The following TBX15 variants were observed in gnomAD, a reference collection of about 807,000 sequenced individuals.
The protein encoded by TBX15 is T-box transcription factor TBX15.
In TBX15, 18 loss-of-function variants were observed where a neutral mutation model predicts 53.9. The observed-to-expected ratio is 0.33, with a 90% confidence interval of 0.23 to 0.49. The LOEUF (loss-of-function observed/expected upper bound fraction) is 0.49. Ranked by LOEUF, TBX15 falls within the 20% of genes least tolerant of loss-of-function variation. The probability of loss-of-function intolerance (pLI) is 0.98; values close to 1 mark genes in which losing one functional copy is unlikely to be tolerated. For missense variants in TBX15, 692 were observed against 749.5 expected, an observed-to-expected ratio of 0.92 and a Z score of 0.90; for synonymous variants, 295 against 278.0, an observed-to-expected ratio of 1.06 and a Z score of -0.61.
At chr1:118,958,381 G>C (rs74668342) in intron 1 of TBX15, among the ~76,000 whole-genome samples, 1,921 of 152,246 alleles carry the variant, frequency 0.013, 20 homozygotes, top group Middle Eastern at 0.058. Context: ...TGTTGTTTAA[G>C]GCTCCCAGTC....
chr1:118,951,094 G>C (rs188139868), intron 1 of TBX15, among the ~76,000 whole-genome samples: 3 of 152,202 alleles, frequency 2.0e-5, no homozygotes, highest in Middle Eastern at 3.4e-3. Context: ...AAAAAGAATA[G>C]GATATTACAG....
chr1:118,969,920 A>G (rs1657174020), intron 1 of TBX15, among the ~76,000 whole-genome samples: 1 of 152,160 alleles, frequency 6.6e-6, no homozygotes, highest in Non-Finnish European at 1.5e-5. Flanking sequence ...TTGTTTTGTA[A>G]TCCTCAGTGT....
chr1:118,964,188 A>C (rs1656967206), intron 1 of TBX15, among the ~76,000 whole-genome samples: 1 of 152,244 alleles, frequency 6.6e-6, no homozygotes, highest in African/African-American at 2.4e-5. Flanking sequence ...AAACTTGTAT[A>C]TATTAAGCCA....
intron 4 of TBX15, 101 bp downstream of exon 4, chr1:118,924,545 A>G (rs1400198972): frequency 7.2e-7 from 1 of 1,388,080 alleles, no homozygotes; most frequent in Non-Finnish European, 1.0e-6. Flanking sequence ...AGTGGCATAG[A>G]GATTCCTTAT....
intron 1 of TBX15, among the ~76,000 whole-genome samples, chr1:118,955,682 A>T (rs1557898806): frequency 6.6e-6 from 1 of 152,214 alleles, no homozygotes; most frequent in Non-Finnish European, 1.5e-5. Context: ...AGAAAGTGAA[A>T]AAAGGCAGGG....
At chr1:118,984,686 G>C (rs772297101) in intron 1 of TBX15, among the ~76,000 whole-genome samples, 2 of 152,198 alleles carry the variant, frequency 1.3e-5, no homozygotes, top group Non-Finnish European at 2.9e-5. Flanking sequence ...TGAGAGTGCC[G>C]GCGTAGGTAT....
At chr1:118,948,834 A>G (rs1656424789) in intron 1 of TBX15, among the ~76,000 whole-genome samples, 1 of 152,236 alleles carries the variant, frequency 6.6e-6, no homozygotes, top group South Asian at 2.1e-4. Flanking sequence ...AGTTTGCACA[A>G]GATAAATATT....
At chr1:118,893,515 A>AAAGAAAGG in intron 7 of TBX15, among the ~76,000 whole-genome samples, 1 of 143,156 alleles carries the variant, frequency 7.0e-6, no homozygotes, top group East Asian at 2.1e-4. Context: ...AGAAAGAAAG[A>AAAGAAAGG]AAGAAAGAAA....
At chr1:118,907,158 T>G (rs1463657208) in intron 6 of TBX15, among the ~76,000 whole-genome samples, 2 of 152,060 alleles carry the variant, frequency 1.3e-5, no homozygotes, top group African/African-American at 4.8e-5. Flanking sequence ...GGCTTTGGGG[T>G]GCCATACCAG....
intron 1 of TBX15, among the ~76,000 whole-genome samples, chr1:118,951,214 G>A (rs907372755): frequency 2.6e-5 from 4 of 152,142 alleles, no homozygotes; most frequent in African/African-American, 9.7e-5. Flanking sequence ...GACCAGAAAT[G>A]TTCAAACTCC....
intron 7 of TBX15, among the ~76,000 whole-genome samples, chr1:118,885,847 T>G (rs1653924987): frequency 1.3e-5 from 2 of 152,222 alleles, no homozygotes; most frequent in Non-Finnish European, 2.9e-5. Flanking sequence ...ACGTTGCCAT[T>G]TCTCACCATC....
intron 7 of TBX15, among the ~76,000 whole-genome samples, chr1:118,895,859 A>G (rs1654406087): frequency 6.6e-6 from 1 of 152,236 alleles, no homozygotes; most frequent in Admixed American, 6.5e-5. Flanking sequence ...AAGCTGTAGT[A>G]AGAAAGAATA....
chr1:118,898,358 C>T (rs1298634311), intron 7 of TBX15, among the ~76,000 whole-genome samples: 1 of 152,128 alleles, frequency 6.6e-6, no homozygotes, highest in African/African-American at 2.4e-5. Context: ...GGGAAAGCTA[C>T]AGACAAGACT....
intron 1 of TBX15, among the ~76,000 whole-genome samples, chr1:118,938,785 C>T (rs1414146939): frequency 6.6e-6 from 1 of 152,112 alleles, no homozygotes; most frequent in Non-Finnish European, 1.5e-5. Flanking sequence ...TTATTGTCCA[C>T]TTGTATGTCT....
chr1:118,959,985 C>A (rs775795733), intron 1 of TBX15, among the ~76,000 whole-genome samples: 38 of 151,242 alleles, frequency 2.5e-4, no homozygotes, highest in African/African-American at 8.0e-4. Context: ...AGAAAAGGCC[C>A]AGCAGCAACT....
intron 1 of TBX15, among the ~76,000 whole-genome samples, chr1:118,984,203 A>G (rs1328633419): frequency 6.6e-6 from 1 of 152,206 alleles, no homozygotes; most frequent in East Asian, 1.9e-4. Context: ...GTACACGTGT[A>G]CGCGGAGTGT....
At chr1:118,950,800 G>A (rs572027126) in intron 1 of TBX15, among the ~76,000 whole-genome samples, 1 of 152,328 alleles carries the variant, frequency 6.6e-6, no homozygotes, top group African/African-American at 2.4e-5. Context: ...ACCAGCTTCA[G>A]TTCTCAAGCT....
intron 1 of TBX15, among the ~76,000 whole-genome samples, chr1:118,933,366 G>C (rs539768282): frequency 6.6e-6 from 1 of 151,876 alleles, no homozygotes; most frequent in African/African-American, 2.4e-5. Flanking sequence ...TCTAAATAAA[G>C]GGGAAGTTTC....
intron 6 of TBX15, among the ~76,000 whole-genome samples, chr1:118,904,818 G>A (rs565424344): frequency 5.9e-5 from 9 of 152,270 alleles, no homozygotes; most frequent in Non-Finnish European, 1.2e-4. Context: ...GGACAAAATA[G>A]CATAATGGTT....
Sources: allele counts gnomAD v4.1 joint callset (sites outside exome capture counted in the v4.1 genomes callset), GRCh38; gene constraint gnomAD v4.1.1; transcripts MANE v1.5; gene names NCBI Gene and HGNC (gene_info 2026-07-23, HGNC 2026-07-21).